PGAM1: variants seen among roughly 807,000 people sequenced by gnomAD.
PGAM1 encodes the protein BPG-dependent PGAM 1.
A neutral mutation model predicts 23.5 loss-of-function variants in PGAM1; 21 were observed. That is an observed-to-expected ratio of 0.89 (90% CI 0.63 to 1.29). The LOEUF is 1.29. Ranked by LOEUF, PGAM1 falls within the 50% of genes most tolerant of loss-of-function variation. PGAM1 has a pLI of 0.00. For synonymous variants in PGAM1, 109 were observed against 128.6 expected (o/e 0.85, Z 1.03); for missense variants, 232 against 336.3 (o/e 0.69, Z 2.42).
rs141766981 is a variant in PGAM1 at position 97,430,996 on chromosome 10, C to T, written c.456C>T (p.Ser152=). The change falls in exon 3 of 4, where the codon TCC becomes TCT. Residue 152 remains serine, a synonymous_variant. Coordinates refer to ENST00000334828, the MANE Select transcript of PGAM1 (RefSeq NM_002629.4). ...YADLTEDQLP[S]CESLKDTIAR... ...ACCTCACAGAAGATCAGCTACCCTCCTGTGAGAGTCTGAAGGATACTATTG... is the reference window on the plus strand; with the variant it reads ...ACCTCACAGAAGATCAGCTACCCTCTTGTGAGAGTCTGAAGGATACTATTG... 517 of 1,613,948 alleles carry T rather than the reference C, an allele frequency of 3.2e-4. No individual in the cohort carries two copies. In the African/African-American group the frequency reaches 5.9e-3, roughly 18 times the overall value.
In PGAM1 at chr10:97,432,640, C is replaced by T. The variant is rs1176127085; in HGVS notation, c.*116C>T. 7.6e-7 allele frequency: 1 copy of T among 1,323,838 alleles called. No individual in the cohort carries two copies. Among genetic ancestry groups the T allele is most frequent in the African/African-American group, 1.5e-5 (1 of 68,352 alleles). 82.0% of individuals were successfully genotyped at this position (1,323,838 alleles called of 1,614,324 possible). Reference sequence around the variant, plus strand: ...CATCTGTAGACATCTTGAGTTGTAGCTGCAGACGGGGACCAGTGGCTCCCA... The same window carrying T: ...CATCTGTAGACATCTTGAGTTGTAGTTGCAGACGGGGACCAGTGGCTCCCA... On this transcript the variant is annotated 3_prime_UTR_variant, in exon 4 of 4. Coordinates refer to ENST00000334828, the MANE Select transcript of PGAM1 (RefSeq NM_002629.4).
At position 97,432,734 on chromosome 10, in the gene PGAM1, A is replaced by G; in HGVS notation, c.*210A>G. Reference sequence around the variant, plus strand: ...ACAATCTAGTCAGAATAGCAGTTCTAGAGCACAGGTTCTCAGTCTAAGCTA... The same window carrying G: ...ACAATCTAGTCAGAATAGCAGTTCTGGAGCACAGGTTCTCAGTCTAAGCTA... On this transcript the variant is annotated 3_prime_UTR_variant, in exon 4 of 4. Coordinates refer to ENST00000334828, the MANE Select transcript of PGAM1 (RefSeq NM_002629.4). 1.8e-6 allele frequency: 1 copy of G among 553,006 alleles called. No homozygotes were observed. The highest frequency in any genetic ancestry group is 3.2e-6 in the Non-Finnish European group (1 of 308,096). The allele number at this position is 553,006 out of a possible 1,614,324, so 34.3% of individuals were successfully genotyped here. A position where few individuals can be genotyped will look rare whatever the true frequency, so the allele number is the denominator to read the frequency against.
chr10:97,426,239 G>T lies in PGAM1; in HGVS notation c.-69G>T, dbSNP rs1293910233. The T allele has an allele frequency of 3.7e-6, 6 of 1,606,190 alleles. No individual in the cohort carries two copies. The highest frequency in any genetic ancestry group is 4.2e-6 in the Non-Finnish European group (5 of 1,176,906). ...TGAGCGGTGCGAGCGCGCAGGCGCG[G>T]CCGACGGGGCGGGCTGCTACTCCGG... On this transcript the variant is annotated 5_prime_UTR_variant, in exon 1 of 4. Transcript: ENST00000334828.
intron 3 of PGAM1, among the ~76,000 whole-genome samples, chr10:97,432,073 C>T (rs1845476746): frequency 6.6e-6 from 1 of 152,166 alleles, no homozygotes; most frequent in Non-Finnish European, 1.5e-5. Context: ...TCTTGCTTCA[C>T]TGTGGGCTTC....
chr10:97,427,901 C>T (rs1281165324), intron 1 of PGAM1: 5 of 1,287,774 alleles, frequency 3.9e-6, no homozygotes, highest in Non-Finnish European at 5.1e-6. Flanking sequence ...CCATCCTTCT[C>T]AAATGAAGCA....
At chr10:97,429,958 A>G (rs1356923153) in intron 1 of PGAM1, among the ~76,000 whole-genome samples, 1 of 149,994 alleles carries the variant, frequency 6.7e-6, no homozygotes, top group Non-Finnish European at 1.5e-5. Context: ...GAGGAGAAGA[A>G]TTGCTTGAAC....
chr10:97,427,742 C>A, intron 1 of PGAM1: 1 of 1,276,262 alleles, frequency 7.8e-7, no homozygotes, highest in Non-Finnish European at 1.0e-6. Flanking sequence ...AATCCCTGGA[C>A]TGAAGAGGTG....
chr10:97,431,889 TAAAA>T (rs549613576), intron 3 of PGAM1, among the ~76,000 whole-genome samples: 4 of 141,784 alleles, frequency 2.8e-5, no homozygotes, highest in Admixed American at 2.1e-4. Context: ...CCTTGTCTCT[TAAAA>T]AAAAAAAAAA....
intron 1 of PGAM1, chr10:97,427,843 C>A (rs1175574205): frequency 3.9e-6 from 5 of 1,289,060 alleles, no homozygotes; most frequent in Non-Finnish European, 5.1e-6. Context: ...TGATGAGGCA[C>A]AGGTATTTGG....
At chr10:97,429,090 T>A (rs1845440533) in intron 1 of PGAM1, among the ~76,000 whole-genome samples, 1 of 146,278 alleles carries the variant, frequency 6.8e-6, no homozygotes, top group African/African-American at 2.6e-5. Context: ...TAAGACTGAT[T>A]CCTTTTTTTT....
intron 1 of PGAM1, chr10:97,427,061 G>T (rs1200882855): frequency 1.3e-5 from 2 of 153,600 alleles, no homozygotes; most frequent in East Asian, 1.9e-4. Context: ...ATAATAAGTC[G>T]TGGACAGTTT....
At chr10:97,429,995 G>T (rs967304261) in intron 1 of PGAM1, among the ~76,000 whole-genome samples, 1 of 146,504 alleles carries the variant, frequency 6.8e-6, no homozygotes, top group African/African-American at 2.6e-5. Context: ...GCAGTGAGCC[G>T]AGACCACGCC....
rs535329250 is a variant in PGAM1, at chr10:97,426,260, T to A, written c.-48T>A. 69 of 1,609,418 alleles carry A rather than the reference T, an allele frequency of 4.3e-5. No individual in the cohort carries two copies. Among genetic ancestry groups the A allele is most frequent in the Middle Eastern group, 4.5e-4 (2 of 4,490 alleles). On this transcript the variant is annotated 5_prime_UTR_variant, in exon 1 of 4. Transcript: ENST00000334828. ...CGCGGCCGACGGGGCGGGCTGCTAC[T>A]CCGGAATCTGCTAATCCCAGTCGGT...
chr10:97,429,951 GAGA>G lies in PGAM1; in HGVS notation c.140-423_140-421del, dbSNP rs567982370. 5.1e-3 allele frequency among the ~76,000 whole-genome samples: 769 copies of G among 151,148 alleles called. 9 individuals carry two copies. Among genetic ancestry groups the G allele is most frequent in the South Asian group, 0.02 (97 of 4,784 alleles). On this transcript the variant is annotated intron_variant, in intron 1 of 3. Coordinates refer to ENST00000334828, the MANE Select transcript of PGAM1 (RefSeq NM_002629.4). ...TCCTCAGCTTACTTGGGAGGCTGAG[GAGA>G]AGAATTGCTTGAACCCGGGAGGCGG...
intron 1 of PGAM1, chr10:97,427,306 C>G: frequency 2.0e-6 from 2 of 986,396 alleles, no homozygotes; most frequent in Non-Finnish European, 2.4e-6. Context: ...CCAAGAAATC[C>G]GCGTGGTTGT....
intron 1 of PGAM1, chr10:97,427,850 T>C: frequency 7.8e-7 from 1 of 1,289,410 alleles, no homozygotes. Flanking sequence ...GCACAGGTAT[T>C]TGGCCTCAGA....
In PGAM1 at chr10:97,426,337, G is replaced by A; in HGVS notation, c.30G>A (p.Arg10=). The A allele has an allele frequency of 6.2e-7, 1 of 1,610,378 alleles. No individual in the cohort carries two copies. The highest frequency in any genetic ancestry group is 1.1e-5 in the South Asian group (1 of 90,928). Residue 10 remains arginine (R), a synonymous_variant, in exon 1 of 4, where the codon CGG becomes CGA. Transcript: ENST00000334828. ...CCGCCTACAAACTGGTGCTGATCCG[G>A]CACGGCGAGAGCGCATGGAACCTGG... is the stretch of plus-strand genomic sequence containing the variant. MAAYKLVLI[R]HGESAWNLEN...
In PGAM1 at chr10:97,433,369, C is replaced by A. The variant is rs1845493011; in HGVS notation, c.*845C>A. 6.6e-6 allele frequency: 1 copy of A among 152,292 alleles called. No homozygotes were observed. The highest frequency in any genetic ancestry group is 1.5e-5 in the Non-Finnish European group (1 of 67,978). 9.4% of individuals were successfully genotyped at this position (152,292 alleles called of 1,614,324 possible). On this transcript the variant is annotated 3_prime_UTR_variant, in exon 4 of 4. Transcript: ENST00000334828. ...AGTTGCTTGACCCTGCCACATGGGT[C>A]CAGTGTTCATCTGAGCATAACTGTA... is the stretch of plus-strand genomic sequence containing the variant.
At chr10:97,430,830 T>C in intron 2 of PGAM1, 125 bp from the exon 3 acceptor site, 2 of 1,489,048 alleles carry the variant, frequency 1.3e-6, no homozygotes, top group Non-Finnish European at 1.9e-6. Context: ...TCTCCTTTTT[T>C]GTGTTTCCAT....
Sources: gnomAD v4.1 joint callset for allele counts (sites outside exome capture counted in the v4.1 genomes callset) on GRCh38, gnomAD v4.1.1 for gene constraint, MANE v1.5 for transcripts, NCBI Gene and HGNC (gene_info 2026-07-23, HGNC 2026-07-21) for gene names.